Variants in ST3GAL6 observed in about 807,000 individuals in gnomAD.
ST3GAL6 encodes ST3 beta-galactoside alpha-2,3-sialyltransferase 6.
Under a neutral mutation model 40.5 loss-of-function variants are expected in ST3GAL6, and 31 were observed. That is an observed-to-expected ratio of 0.77 (90% CI 0.58 to 1.03). The LOEUF is 1.03. Among genes scored for constraint, ST3GAL6 ranks in the 50% least tolerant of loss-of-function variants. ST3GAL6 has a pLI of 0.00. For missense variants in ST3GAL6, 357 were observed against 393.2 expected (o/e 0.91, Z 0.78); for synonymous variants, 129 against 136.9 (o/e 0.94, Z 0.40).
chr3:98,794,431 T>TAACC lies in ST3GAL6; in HGVS notation c.*673_*674insCAAC, dbSNP rs10675954. The TAACC allele has an allele frequency of 2.0e-5, 1 of 49,274 alleles. No homozygotes were observed. Among genetic ancestry groups the TAACC allele is most frequent in the Non-Finnish European group, 4.9e-5 (1 of 20,370 alleles). The allele number at this position is 49,274 out of a possible 1,614,324, so 3.1% of individuals were successfully genotyped here. A position where few individuals can be genotyped will look rare whatever the true frequency, so the allele number is the denominator to read the frequency against. On this transcript the variant is annotated 3_prime_UTR_variant, in exon 10 of 10. Transcript: ENST00000483910. ...TGTATTATTTTAAAGAAATGAAGTT[T>TAACC]AACTTTATACAGTGAAGCTAAGCTA...
chr3:98,755,416 G>T (rs1039432755), intron 1 of ST3GAL6, among the ~76,000 whole-genome samples: 6 of 152,160 alleles, frequency 3.9e-5, no homozygotes, highest in African/African-American at 1.4e-4. Flanking sequence ...AGGCTTAAAA[G>T]ATAAGAGTTA....
Position 98,782,705 on chromosome 3 carries a change from A to C in ST3GAL6, c.336-2240A>C, listed in dbSNP as rs956316561. On this transcript the variant is annotated intron_variant, in intron 5 of 9. Coordinates refer to ENST00000483910, the MANE Select transcript of ST3GAL6 (RefSeq NM_001323368.2). ...TGCTGGTATTTCAAAAACTGCTGCC[A>C]GCAGGGAGGAGGCCAATGGCGTGTC... 4.2e-5 allele frequency: 19 copies of C among 449,330 alleles called. No individual in the cohort carries two copies. The East Asian group carries it at 1.0e-3, about 24-fold the overall frequency. The allele number at this position is 449,330 out of a possible 1,614,324, so 27.8% of individuals were successfully genotyped here.
rs1281593575 is a variant in ST3GAL6, at chr3:98,771,253, AT to A, written c.167+302del. 1.3e-5 allele frequency: 12 copies of A among 930,118 alleles called. 1 individual carries two copies. Among genetic ancestry groups the A allele is most frequent in the Non-Finnish European group, 1.6e-5 (11 of 674,950 alleles). 57.6% of individuals were successfully genotyped at this position (930,118 alleles called of 1,614,324 possible). On this transcript the variant is annotated intron_variant, in intron 3 of 9. Transcript: ENST00000483910. ...AAAGCGAATTGTTCTTTAGGGTTTT[AT>A]TTTTCCCCCTTGTTGCTCTCATGTT...
intron 5 of ST3GAL6, chr3:98,783,135 G>A (rs1940341145): frequency 1.1e-5 from 2 of 188,528 alleles, no homozygotes; most frequent in Non-Finnish European, 1.1e-5. Flanking sequence ...TGAAGAGCAT[G>A]CCCAGGAGCA....
In ST3GAL6 at chr3:98,771,153, T is replaced by C. The variant is rs1938944943; in HGVS notation, c.167+197T>C. The C allele has an allele frequency of 2.7e-6, 4 of 1,493,930 alleles. No homozygotes were observed. In the Admixed American group the frequency reaches 6.0e-5, roughly 23 times the overall value. 92.5% of individuals were successfully genotyped at this position (1,493,930 alleles called of 1,614,324 possible). On this transcript the variant is annotated intron_variant, in intron 3 of 9. Transcript: ENST00000483910. ...TCTGCATATATTTTAAGAAAAGGCA[T>C]TGAGGAACTCAATCAAACCAGTATT...
intron 1 of ST3GAL6, among the ~76,000 whole-genome samples, chr3:98,739,161 A>G (rs1359998278): frequency 6.6e-6 from 1 of 152,194 alleles, no homozygotes; most frequent in East Asian, 1.9e-4. Flanking sequence ...CAGAACAAAG[A>G]TACAGTATAC....
chr3:98,763,398 TG>T lies in ST3GAL6; in HGVS notation c.-51del. 1 of 1,289,762 alleles carries T rather than the reference TG, an allele frequency of 7.8e-7. No individual in the cohort carries two copies. The highest frequency in any genetic ancestry group is 1.0e-6 in the Non-Finnish European group (1 of 988,846). 79.9% of individuals were successfully genotyped at this position (1,289,762 alleles called of 1,614,324 possible). A position where few individuals can be genotyped will look rare whatever the true frequency, so the allele number is the denominator to read the frequency against. ...GATGACGGCCTGTCCAGGGGCTGAA[TG>T]GACACAGGTGTCAGCAGGGCCACCT... On this transcript the variant is annotated 5_prime_UTR_variant, in exon 1 of 10. It introduces an in-frame stop codon into an upstream open reading frame of the 5' UTR. Coordinates refer to ENST00000483910, the MANE Select transcript of ST3GAL6 (RefSeq NM_001323368.2).
intron 1 of ST3GAL6, chr3:98,733,593 T>G (rs1559714572): frequency 3.0e-6 from 3 of 985,112 alleles, no homozygotes; most frequent in Non-Finnish European, 3.6e-6. Context: ...AGGAGGACGG[T>G]GAGTAAATTG....
chr3:98,781,245 G>T (rs1196646935), intron 5 of ST3GAL6, among the ~76,000 whole-genome samples: 1 of 152,068 alleles, frequency 6.6e-6, no homozygotes, highest in Non-Finnish European at 1.5e-5. Context: ...ACCAAACACT[G>T]CATGTTCTCA....
chr3:98,752,341 T>G (rs984522748), intron 1 of ST3GAL6, among the ~76,000 whole-genome samples: 1 of 152,214 alleles, frequency 6.6e-6, no homozygotes, highest in Admixed American at 6.5e-5. Flanking sequence ...ACTCACTTCT[T>G]ACCATTGTGT....
In ST3GAL6 at chr3:98,768,410, C is replaced by G; in HGVS notation, c.-11-20C>G. On this transcript the variant is annotated intron_variant, in intron 1 of 9. Transcript: ENST00000483910. ...ATAACAACCTGGCCTTTGCTTTGGA[C>G]TTCATTCCTTGTGTTTCAGGTGAGC... The G allele has an allele frequency of 6.3e-7, 1 of 1,595,410 alleles. No individual in the cohort carries two copies. The highest frequency in any genetic ancestry group is 1.3e-5 in the African/African-American group (1 of 74,630).
At chr3:98,786,955 AGTGT>A (rs60592978) in intron 6 of ST3GAL6, among the ~76,000 whole-genome samples, 45,529 of 147,322 alleles carry the variant, frequency 0.31, 8,115 homozygotes, top group East Asian at 0.67. Flanking sequence ...ATCTGGGATA[AGTGT>A]GTGTGTGTGT....
intron 5 of ST3GAL6, chr3:98,784,669 GCTTA>G: frequency 6.4e-6 from 2 of 310,814 alleles, no homozygotes; most frequent in Middle Eastern, 1.0e-3. Context: ...GGAATATCAG[GCTTA>G]CTTATCTCAA....
At chr3:98,745,799 A>G (rs774339718) in intron 1 of ST3GAL6, among the ~76,000 whole-genome samples, 31 of 152,238 alleles carry the variant, frequency 2.0e-4, no homozygotes, top group African/African-American at 7.0e-4. Flanking sequence ...TATATTATAT[A>G]TAATGCACAT....
chr3:98,771,082 G>A, intron 3 of ST3GAL6, 126 bp downstream of exon 3: 1 of 1,499,330 alleles, frequency 6.7e-7, no homozygotes, highest in Non-Finnish European at 9.0e-7. Context: ...CCATATTTAA[G>A]GAAGAGCTTG....
At chr3:98,755,697 G>A (rs1431344010) in intron 1 of ST3GAL6, among the ~76,000 whole-genome samples, 3 of 152,074 alleles carry the variant, frequency 2.0e-5, no homozygotes, top group Non-Finnish European at 4.4e-5. Flanking sequence ...AGTAGATTTA[G>A]CATAATTGTT....
At chr3:98,736,999 A>C (rs1935601535) in intron 1 of ST3GAL6, among the ~76,000 whole-genome samples, 1 of 152,110 alleles carries the variant, frequency 6.6e-6, no homozygotes. Flanking sequence ...GAGATTTTTG[A>C]TGAGAGCCTA....
chr3:98,791,726 C>G, intron 8 of ST3GAL6, 115 bp from the exon 9 acceptor site: 1 of 940,174 alleles, frequency 1.1e-6, no homozygotes, highest in Non-Finnish European at 1.6e-6. Context: ...TTAGTTATTT[C>G]TCTCCTTATT....
chr3:98,745,326 G>A (rs546010156), intron 1 of ST3GAL6, among the ~76,000 whole-genome samples: 4 of 152,268 alleles, frequency 2.6e-5, no homozygotes, highest in South Asian at 4.1e-4. Context: ...GAGCCACTGC[G>A]CCTGTGAACT....
Sources: allele counts gnomAD v4.1 joint callset (sites outside exome capture counted in the v4.1 genomes callset), GRCh38; gene constraint gnomAD v4.1.1; transcripts MANE v1.5; gene names NCBI Gene and HGNC (gene_info 2026-07-23, HGNC 2026-07-21).